The following CKAP5 variants were observed in gnomAD, a reference collection of about 807,000 sequenced individuals.
CKAP5 encodes cytoskeleton associated protein 5.
CKAP5 carries 27 observed loss-of-function variants against 232.8 expected under a neutral mutation model. That is an observed-to-expected ratio of 0.12 (90% CI 0.09 to 0.16). The LOEUF is 0.16. Among genes scored for constraint, CKAP5 ranks in the 10% least tolerant of loss-of-function variants. The pLI is 1.00. For missense variants in CKAP5, 1,838 were observed against 2,424.7 expected, an observed-to-expected ratio of 0.76 and a Z score of 5.08; for synonymous variants, 785 against 841.1, an observed-to-expected ratio of 0.93 and a Z score of 1.16.
intron 3 of CKAP5, 137 bp from the exon 4 acceptor site, chr11:46,816,541 C>A: frequency 1.6e-6 from 1 of 639,044 alleles, no homozygotes; most frequent in Non-Finnish European, 2.7e-6. Context: ...AATTTATGTT[C>A]AAGAATATTT....
chr11:46,778,000 A>G (rs1413457584), intron 22 of CKAP5, 139 bp downstream of exon 22: 1 of 664,692 alleles, frequency 1.5e-6, no homozygotes, highest in Non-Finnish European at 2.5e-6. Flanking sequence ...GATACACTTA[A>G]TAAATTAAAG....
chr11:46,743,230 C>T lies in CKAP5; in HGVS notation c.*793G>A, dbSNP rs1029733470. On this transcript the variant is annotated 3_prime_UTR_variant, in exon 44 of 44. Coordinates refer to ENST00000529230, the MANE Select transcript of CKAP5 (RefSeq NM_001008938.4). ...CGCAATCTTGTGTGCCTTTGGTCAG[C>T]AAAGTGGTAGGATGCCCAAGAGCTT... is the stretch of plus-strand genomic sequence containing the variant. 6 of 152,072 alleles carry T rather than the reference C, an allele frequency of 3.9e-5. No homozygotes were observed. The highest frequency in any genetic ancestry group is 1.4e-4 in the African/African-American group (6 of 41,414). 9.4% of individuals were successfully genotyped at this position (152,072 alleles called of 1,614,324 possible). A position where few individuals can be genotyped will look rare whatever the true frequency, so the allele number is the denominator to read the frequency against.
intron 42 of CKAP5, among the ~76,000 whole-genome samples, chr11:46,747,833 G>T (rs2065033535): frequency 6.6e-6 from 1 of 152,132 alleles, no homozygotes; most frequent in Non-Finnish European, 1.5e-5. Flanking sequence ...GCCGATGTGG[G>T]TGGATCACTT....
At chr11:46,750,992 G>A in intron 40 of CKAP5, 126 bp downstream of exon 40, 1 of 1,098,248 alleles carries the variant, frequency 9.1e-7, no homozygotes, top group Admixed American at 2.4e-5. Context: ...GCAGGAGACT[G>A]ATTCAACCAG....
intron 5 of CKAP5, 29 bp downstream of exon 5, chr11:46,810,978 G>A (rs368476320): frequency 7.8e-5 from 121 of 1,551,998 alleles, no homozygotes; most frequent in Admixed American, 9.9e-5. Flanking sequence ...AACCTTGTGC[G>A]AAAGCAACCA....
At chr11:46,814,055 C>T (rs1452654506) in intron 4 of CKAP5, among the ~76,000 whole-genome samples, 1 of 148,508 alleles carries the variant, frequency 6.7e-6, no homozygotes, top group Non-Finnish European at 1.5e-5. Context: ...ATCGCTTGAA[C>T]CCAGGGGCGG....
chr11:46,760,472 G>A lies in CKAP5; in HGVS notation c.4394+140C>T, dbSNP rs980517435. On this transcript the variant is annotated intron_variant, in intron 33 of 43. Transcript: ENST00000529230. ...ATGAAGACTGAAGAATCAAACATTT[G>A]GTTACAATACATTTACCCAGACACT... 3 of 801,902 alleles carry A rather than the reference G, an allele frequency of 3.7e-6. No individual in the cohort carries two copies. The African/African-American group carries it at 5.1e-5, about 14-fold the overall frequency. 49.7% of individuals were successfully genotyped at this position (801,902 alleles called of 1,614,324 possible). A position where few individuals can be genotyped will look rare whatever the true frequency, so the allele number is the denominator to read the frequency against.
At position 46,751,269 on chromosome 11, in the gene CKAP5, A is replaced by G. The variant is rs1431726709; in HGVS notation, c.5323-14T>C. Reference sequence around the variant, plus strand: ...GTGGTCCAGGATCTGAGGGAGACACATGCATGACTGATAGCACTGCCATTT... The same window carrying G: ...GTGGTCCAGGATCTGAGGGAGACACGTGCATGACTGATAGCACTGCCATTT... On this transcript the variant is annotated splice_polypyrimidine_tract_variant and intron_variant, in intron 39 of 43. Coordinates refer to ENST00000529230, the MANE Select transcript of CKAP5 (RefSeq NM_001008938.4). 1.4e-5 allele frequency: 23 copies of G among 1,614,206 alleles called. No individual in the cohort carries two copies. The highest frequency in any genetic ancestry group is 1.9e-5 in the Non-Finnish European group (23 of 1,180,040).
At chr11:46,837,320 T>C (rs1181931702) in intron 1 of CKAP5, among the ~76,000 whole-genome samples, 1 of 152,122 alleles carries the variant, frequency 6.6e-6, no homozygotes, top group African/African-American at 2.4e-5. Context: ...TAGGAACTCA[T>C]GTTTTTCCCC....
intron 9 of CKAP5, 94 bp downstream of exon 9, chr11:46,801,106 T>C (rs189465111): frequency 4.8e-5 from 38 of 791,828 alleles, no homozygotes; most frequent in Non-Finnish European, 7.5e-5. Flanking sequence ...TATACACATC[T>C]ATGCCAAGGA....
In CKAP5 at chr11:46,811,795, G is replaced by C. The variant is rs2134675034; in HGVS notation, c.459-617C>G. Among the ~76,000 whole-genome samples, 2 of 152,200 alleles carry C rather than the reference G, an allele frequency of 1.3e-5. 1 individual carries two copies. The highest frequency in any genetic ancestry group is 6.8e-3 in the Middle Eastern group (2 of 294). ...CCAGCCTAATACCACAAATATGTAT[G>C]TATATACATATAAAAGCTTACAAAT... On this transcript the variant is annotated intron_variant, in intron 4 of 43. Coordinates refer to ENST00000529230, the MANE Select transcript of CKAP5 (RefSeq NM_001008938.4).
intron 15 of CKAP5, among the ~76,000 whole-genome samples, chr11:46,789,183 CAA>C (rs1304698289): frequency 6.6e-6 from 1 of 152,198 alleles, no homozygotes; most frequent in Non-Finnish European, 1.5e-5. Context: ...TACCGAATAT[CAA>C]AGATGCACAA....
chr11:46,821,481 G>C (rs564159709), intron 1 of CKAP5, among the ~76,000 whole-genome samples: 1 of 130,838 alleles, frequency 7.6e-6, no homozygotes, highest in African/African-American at 2.9e-5. Context: ...CTGGAGTGCA[G>C]TGGCCCGATC....
chr11:46,777,383 A>C (rs949153791), intron 23 of CKAP5, 56 bp downstream of exon 23: 1 of 1,118,812 alleles, frequency 8.9e-7, no homozygotes, highest in African/African-American at 1.5e-5. Flanking sequence ...TCTTTAACCC[A>C]AAAATATGGC....
chr11:46,751,094 A>T (rs368963583), intron 40 of CKAP5, 24 bp downstream of exon 40: 118 of 1,613,684 alleles, frequency 7.3e-5, no homozygotes, highest in Non-Finnish European at 9.4e-5. Context: ...CATGTCCCTC[A>T]ATCTTTCAAG....
intron 2 of CKAP5, 147 bp from the exon 3 acceptor site, chr11:46,818,650 A>C: frequency 3.5e-6 from 2 of 570,736 alleles, no homozygotes; most frequent in Non-Finnish European, 5.5e-6. Flanking sequence ...GAAATGAAAA[A>C]AGAGTTTAAG....
At chr11:46,778,713 A>G (rs1365281324) in intron 20 of CKAP5, 114 bp from the exon 21 acceptor site, 13 of 814,322 alleles carry the variant, frequency 1.6e-5, no homozygotes, top group Non-Finnish European at 2.6e-5. Context: ...CTATTTACAC[A>G]GTAGGTAATT....
chr11:46,752,207 C>CAT (rs2065072724), intron 38 of CKAP5, among the ~76,000 whole-genome samples: 2 of 109,146 alleles, frequency 1.8e-5, no homozygotes, highest in Non-Finnish European at 4.2e-5. Context: ...CACACACACA[C>CAT]ACACACACAC....
chr11:46,786,014 C>T (rs1213737489), intron 16 of CKAP5, among the ~76,000 whole-genome samples: 1 of 152,080 alleles, frequency 6.6e-6, no homozygotes, highest in Non-Finnish European at 1.5e-5. Context: ...AAAAAAAATT[C>T]CCAAACCAAA....
Sources: gnomAD v4.1 joint callset for allele counts (sites outside exome capture counted in the v4.1 genomes callset) on GRCh38, gnomAD v4.1.1 for gene constraint, MANE v1.5 for transcripts, NCBI Gene and HGNC (gene_info 2026-07-23, HGNC 2026-07-21) for gene names.